The following ANKRD29 variants were observed in gnomAD, a reference collection of about 807,000 sequenced individuals.
ANKRD29 encodes the protein ankyrin repeat domain 29, also known as ankyrin repeat domain-containing protein 29.
In ANKRD29, 32 loss-of-function variants were observed where a neutral mutation model predicts 38.0. The ratio of observed to expected loss-of-function variants is 0.84; its 90% confidence interval spans 0.64 to 1.13. The LOEUF (loss-of-function observed/expected upper bound fraction) is 1.13, where lower values mean the gene tolerates loss of function less well. Ranked by LOEUF, ANKRD29 falls within the 50% of genes most tolerant of loss-of-function variation. The probability of loss-of-function intolerance (pLI) is 0.00; values close to 1 mark genes in which losing one functional copy is unlikely to be tolerated. For missense variants in ANKRD29, 357 were observed against 377.9 expected, an observed-to-expected ratio of 0.94 and a Z score of 0.46; for synonymous variants, 135 against 152.4, an observed-to-expected ratio of 0.89 and a Z score of 0.84.
At chr18:23,638,709 C>A in intron 4 of ANKRD29, 140 bp downstream of exon 4, 1 of 676,642 alleles carries the variant, frequency 1.5e-6, no homozygotes, top group Non-Finnish European at 2.4e-6. Flanking sequence ...CTACAAGTAA[C>A]CTTGAGGAAA....
chr18:23,636,314 T>A (rs2060002234), intron 4 of ANKRD29, among the ~76,000 whole-genome samples: 1 of 152,154 alleles, frequency 6.6e-6, no homozygotes, highest in Non-Finnish European at 1.5e-5. Flanking sequence ...AAATATTTTT[T>A]ACTTTTTTAT....
chr18:23,654,129 G>A (rs990856988), intron 1 of ANKRD29, among the ~76,000 whole-genome samples: 4 of 151,842 alleles, frequency 2.6e-5, no homozygotes, highest in African/African-American at 4.8e-5. Context: ...AGCTGGGCAC[G>A]GTGGCACGCA....
chr18:23,648,616 C>A (rs1347835544), intron 2 of ANKRD29: 1 of 315,226 alleles, frequency 3.2e-6, no homozygotes, highest in African/African-American at 2.1e-5. Flanking sequence ...TTTAAATTGC[C>A]AATTAGTGTA....
chr18:23,654,279 A>T (rs944270912), intron 1 of ANKRD29, among the ~76,000 whole-genome samples: 14 of 136,606 alleles, frequency 1.0e-4, no homozygotes, highest in East Asian at 8.8e-4. Flanking sequence ...GCCTCCACAA[A>T]AAATAAATAA....
In ANKRD29 at chr18:23,601,029, G is replaced by A. The variant is rs2059504900; in HGVS notation, c.*197C>T. The stretch of plus-strand genomic sequence containing the variant: ...GACACCATGAGAAGTCCATGGTGAA[G>A]GGGCAAGAGGGTCCCTGAGCTGTTT... On this transcript the variant is annotated 3_prime_UTR_variant, in exon 10 of 10. Transcript: ENST00000592179. The A allele has an allele frequency of 4.0e-6, 2 of 498,526 alleles. No individual in the cohort carries two copies. The highest frequency in any genetic ancestry group is 7.2e-6 in the Non-Finnish European group (2 of 278,902). 30.9% of individuals were successfully genotyped at this position (498,526 alleles called of 1,614,324 possible). A position where few individuals can be genotyped will look rare whatever the true frequency, so the allele number is the denominator to read the frequency against.
Position 23,662,771 on chromosome 18 carries a change from C to A in ANKRD29, c.-41G>T. ...AGCGGGAGCCGGCGCGCTTTGGGCC[C>A]GGGGCGCCTTGTCCTCCCCGGCCCT... is the stretch of plus-strand genomic sequence containing the variant. On this transcript the variant is annotated 5_prime_UTR_variant, in exon 1 of 10. Transcript: ENST00000592179. 6.9e-7 allele frequency: 1 copy of A among 1,446,486 alleles called. No homozygotes were observed. 89.6% of individuals were successfully genotyped at this position (1,446,486 alleles called of 1,614,324 possible). A position where few individuals can be genotyped will look rare whatever the true frequency, so the allele number is the denominator to read the frequency against.
chr18:23,619,583 T>TC lies in ANKRD29; in HGVS notation c.574dup (p.Glu192GlyfsTer33). Reference sequence around the variant, plus strand: ...GCGCAGCAGCATCACCCGCACCACCTCGCTGTGGCCCATCTGGGACGCGAT... The same window carrying TC: ...GCGCAGCAGCATCACCCGCACCACCTCCGCTGTGGCCCATCTGGGACGCGAT... On this transcript the variant is annotated frameshift_variant, in exon 7 of 10. Coordinates refer to ENST00000592179, the MANE Select transcript of ANKRD29 (RefSeq NM_173505.4). LOFTEE classifies it high-confidence loss of function. The TC allele has an allele frequency of 2.5e-6, 4 of 1,597,576 alleles. No homozygotes were observed. Among genetic ancestry groups the TC allele is most frequent in the Non-Finnish European group, 3.4e-6 (4 of 1,179,046 alleles).
intron 6 of ANKRD29, among the ~76,000 whole-genome samples, chr18:23,620,789 C>T (rs2059787540): frequency 6.6e-6 from 1 of 152,148 alleles, no homozygotes; most frequent in African/African-American, 2.4e-5. Flanking sequence ...TCAGTGGTCC[C>T]CCAGTCCCCA....
In ANKRD29 at chr18:23,634,122, T is replaced by C. The variant is rs1172367403; in HGVS notation, c.358A>G (p.Ser120Gly). 12 of 1,614,176 alleles carry C rather than the reference T, an allele frequency of 7.4e-6. No individual in the cohort carries two copies. Among genetic ancestry groups the C allele is most frequent in the Non-Finnish European group, 9.3e-6 (11 of 1,180,040 alleles). ...ACCACCTGCATGTGCCCGTACTGAC[T>C]GGCAGCCAACAGGGCGGTGCCCCCG... ...KDGGTALLAA[S>G]QYGHMQVVET... Residue 120 changes from serine to glycine, a missense_variant, in exon 5 of 10, where the codon AGT becomes GGT. Coordinates refer to ENST00000592179, the MANE Select transcript of ANKRD29 (RefSeq NM_173505.4).
intron 2 of ANKRD29, 75 bp downstream of exon 2, chr18:23,649,008 T>C (rs781497814): frequency 1.7e-6 from 2 of 1,173,264 alleles, no homozygotes; most frequent in Non-Finnish European, 2.5e-6. Flanking sequence ...TAAAGGGGAA[T>C]GTATTCCTGA....
At chr18:23,651,352 T>C (rs906000100) in intron 1 of ANKRD29, among the ~76,000 whole-genome samples, 1 of 152,188 alleles carries the variant, frequency 6.6e-6, no homozygotes, top group Non-Finnish European at 1.5e-5. Context: ...GCAACCATGG[T>C]TTTCACACCA....
chr18:23,643,260 G>T (rs1352826288), intron 3 of ANKRD29, among the ~76,000 whole-genome samples: 1 of 152,198 alleles, frequency 6.6e-6, no homozygotes, highest in East Asian at 1.9e-4. Flanking sequence ...TGCAATGCAG[G>T]TGTGATTTTC....
chr18:23,612,427 C>A (rs537972258), intron 8 of ANKRD29, among the ~76,000 whole-genome samples: 3 of 152,336 alleles, frequency 2.0e-5, no homozygotes, highest in African/African-American at 7.2e-5. Flanking sequence ...AGGAATAGGG[C>A]TGAGGGGACA....
chr18:23,630,495 C>T (rs967269357), intron 5 of ANKRD29, among the ~76,000 whole-genome samples: 1 of 151,922 alleles, frequency 6.6e-6, no homozygotes, highest in Non-Finnish European at 1.5e-5. Context: ...GTGCTGCATA[C>T]CTGTAATCCC....
At chr18:23,627,880 T>C (rs1037504600) in intron 6 of ANKRD29, among the ~76,000 whole-genome samples, 8 of 152,066 alleles carry the variant, frequency 5.3e-5, no homozygotes, top group African/African-American at 1.9e-4. Context: ...AATACGAAAA[T>C]ATTAAACTCC....
intron 5 of ANKRD29, among the ~76,000 whole-genome samples, chr18:23,632,533 G>GTATATA (rs61584775): frequency 1.5e-5 from 2 of 130,940 alleles, no homozygotes; most frequent in African/African-American, 3.3e-5. Context: ...GTGTGTGTGT[G>GTATATA]TATATATATA....
chr18:23,653,968 G>A (rs1445541360), intron 1 of ANKRD29, among the ~76,000 whole-genome samples: 1 of 151,106 alleles, frequency 6.6e-6, no homozygotes, highest in Non-Finnish European at 1.5e-5. Flanking sequence ...ACAGAGCCGG[G>A]ATTTAAGTCC....
At chr18:23,617,172 G>A (rs1249618425) in intron 8 of ANKRD29, among the ~76,000 whole-genome samples, 7 of 152,118 alleles carry the variant, frequency 4.6e-5, no homozygotes, top group Non-Finnish European at 1.0e-4. Context: ...AGCCGAGATC[G>A]TGCCATTGCA....
At chr18:23,640,370 G>T (rs72886270) in intron 3 of ANKRD29, among the ~76,000 whole-genome samples, 2,900 of 152,318 alleles carry the variant, frequency 0.019, 49 homozygotes, top group South Asian at 0.091. Context: ...TGTCACAGCA[G>T]CCCTTGGAAA....
Sources: gnomAD v4.1 joint callset for allele counts (sites outside exome capture counted in the v4.1 genomes callset) on GRCh38, gnomAD v4.1.1 for gene constraint, MANE v1.5 for transcripts, NCBI Gene and HGNC (gene_info 2026-07-23, HGNC 2026-07-21) for gene names.